The following AFG2A variants were observed in gnomAD, a reference collection of about 807,000 sequenced individuals.
The protein encoded by AFG2A is AAA ATPase AFG2A.
the AFG2A span, among the ~76,000 whole-genome samples, chr4:123,276,394 A>T: frequency 6.6e-6 from 1 of 152,092 alleles, no homozygotes; most frequent in Non-Finnish European, 1.5e-5. Context: ...CTTTTGTGGG[A>T]TGCATAGCTG....
the AFG2A span, among the ~76,000 whole-genome samples, chr4:123,187,369 T>G: frequency 6.6e-6 from 1 of 152,216 alleles, no homozygotes. Flanking sequence ...TGAAACCACT[T>G]ATAAAGAAGA....
chr4:123,091,373 A>C, the AFG2A span, among the ~76,000 whole-genome samples: 2 of 152,242 alleles, frequency 1.3e-5, no homozygotes, highest in African/African-American at 4.8e-5. Flanking sequence ...AGTATTAATG[A>C]AACTATTTCA....
chr4:123,307,553 TC>T, the AFG2A span, among the ~76,000 whole-genome samples: 2 of 152,216 alleles, frequency 1.3e-5, no homozygotes, highest in African/African-American at 4.8e-5. Flanking sequence ...TGAAAAGACC[TC>T]ATTTTTCCAA....
the AFG2A span, among the ~76,000 whole-genome samples, chr4:123,215,867 C>A: frequency 6.6e-6 from 1 of 152,106 alleles, no homozygotes; most frequent in Non-Finnish European, 1.5e-5. Flanking sequence ...GAAAGGTATT[C>A]TGTCTATGAA....
the AFG2A span, among the ~76,000 whole-genome samples, chr4:122,930,259 C>T: frequency 6.6e-6 from 1 of 152,288 alleles, no homozygotes; most frequent in African/African-American, 2.4e-5. Flanking sequence ...CCTGGATATT[C>T]TATTATCTAA....
At chr4:122,936,862 C>T in the AFG2A span, among the ~76,000 whole-genome samples, 1 of 152,172 alleles carries the variant, frequency 6.6e-6, no homozygotes, top group South Asian at 2.1e-4. Flanking sequence ...TGCTTGTAAT[C>T]CCAGCTACTC....
chr4:123,194,388 A>C, the AFG2A span, among the ~76,000 whole-genome samples: 1 of 152,232 alleles, frequency 6.6e-6, no homozygotes, highest in East Asian at 1.9e-4. Flanking sequence ...CCAGGTTCAA[A>C]GCCATGTTGG....
At chr4:122,951,665 C>T in the AFG2A span, among the ~76,000 whole-genome samples, 1 of 152,166 alleles carries the variant, frequency 6.6e-6, no homozygotes, top group Non-Finnish European at 1.5e-5. Context: ...TAGAGGAGGA[C>T]CATCCTGGCA....
At chr4:123,026,778 A>G in the AFG2A span, among the ~76,000 whole-genome samples, 3 of 152,352 alleles carry the variant, frequency 2.0e-5, 1 homozygote, top group South Asian at 6.2e-4. Flanking sequence ...TAGAGAATGC[A>G]TCACTCAGAC....
chr4:123,319,268 A>G, the AFG2A span: 1 of 152,230 alleles, frequency 6.6e-6, no homozygotes, highest in Non-Finnish European at 1.5e-5. Flanking sequence ...GTAAAGATAG[A>G]ATAAAGGTAT....
the AFG2A span, among the ~76,000 whole-genome samples, chr4:123,031,514 G>A: frequency 6.6e-6 from 1 of 152,118 alleles, no homozygotes; most frequent in Non-Finnish European, 1.5e-5. Context: ...CAACCCAAAT[G>A]TTTGGTTTCA....
chr4:122,975,306 C>T, the AFG2A span, among the ~76,000 whole-genome samples: 2 of 152,162 alleles, frequency 1.3e-5, no homozygotes, highest in Admixed American at 6.5e-5. Context: ...TTTCTTATAG[C>T]TGTATTAATC....
chr4:123,214,303 C>G, the AFG2A span, among the ~76,000 whole-genome samples: 3 of 152,024 alleles, frequency 2.0e-5, no homozygotes, highest in Non-Finnish European at 4.4e-5. Context: ...GTCAAGGAAA[C>G]GTGTGGGACA....
the AFG2A span, among the ~76,000 whole-genome samples, chr4:122,945,202 A>C: frequency 6.6e-6 from 1 of 152,208 alleles, no homozygotes; most frequent in East Asian, 1.9e-4. Flanking sequence ...TGCAGAGGTT[A>C]CTGCTGTCTT....
At chr4:123,116,915 T>G in the AFG2A span, among the ~76,000 whole-genome samples, 1 of 152,166 alleles carries the variant, frequency 6.6e-6, no homozygotes, top group Non-Finnish European at 1.5e-5. Context: ...GTTGGTGTTG[T>G]ACAGAATTAT....
the AFG2A span, among the ~76,000 whole-genome samples, chr4:123,276,167 A>G: frequency 1.3e-5 from 2 of 152,146 alleles, no homozygotes; most frequent in Non-Finnish European, 2.9e-5. Context: ...TTGCTTTTTA[A>G]TAATAGCCAC....
the AFG2A span, among the ~76,000 whole-genome samples, chr4:123,063,740 T>G: frequency 6.8e-6 from 1 of 147,956 alleles, no homozygotes; most frequent in African/African-American, 2.6e-5. Flanking sequence ...AGCGAGACTG[T>G]CTCAAAAAAA....
the AFG2A span, among the ~76,000 whole-genome samples, chr4:123,042,346 G>A: frequency 6.6e-6 from 1 of 152,078 alleles, no homozygotes; most frequent in South Asian, 2.1e-4. Flanking sequence ...GAGAGAGAGA[G>A]AGAGATATCA....
chr4:123,102,688 A>G, the AFG2A span, among the ~76,000 whole-genome samples: 137,997 of 151,960 alleles, frequency 0.91, 62,891 homozygotes, highest in East Asian at 0.98. Flanking sequence ...TAAATCTGGG[A>G]CTATATGTTG....
Sources: allele counts gnomAD v4.1 joint callset (sites outside exome capture counted in the v4.1 genomes callset), GRCh38; gene constraint gnomAD v4.1.1; transcripts MANE v1.5; gene names NCBI Gene and HGNC (gene_info 2026-07-23, HGNC 2026-07-21).